The following RALYL variants were observed in gnomAD, a reference collection of about 807,000 sequenced individuals.
RALYL encodes the protein RALY RNA binding protein like.
RALYL carries 29 observed loss-of-function variants against 35.1 expected under a neutral mutation model. The observed-to-expected ratio is 0.83, with a 90% CI of 0.61 to 1.13. The LOEUF is 1.13. Among genes scored for constraint, RALYL ranks in the 50% most tolerant of loss-of-function variants. RALYL has a pLI of 0.00. For missense variants in RALYL, 359 were observed against 360.4 expected (o/e 1.00, Z 0.03); for synonymous variants, 120 against 127.6 (o/e 0.94, Z 0.40).
intron 1 of RALYL, among the ~76,000 whole-genome samples, chr8:84,248,880 G>T (rs1043609833): frequency 3.3e-5 from 5 of 152,060 alleles, no homozygotes; most frequent in Non-Finnish European, 7.4e-5. Flanking sequence ...AGTCTTCAGA[G>T]ACTTGATGTT....
intron 4 of RALYL, among the ~76,000 whole-genome samples, chr8:84,824,455 C>A (rs765192666): frequency 2.0e-5 from 3 of 151,822 alleles, no homozygotes; most frequent in Non-Finnish European, 2.9e-5. Flanking sequence ...ACCTATAGAT[C>A]CAGCACTATT....
chr8:84,693,326 G>T (rs771833696), intron 2 of RALYL, among the ~76,000 whole-genome samples: 3 of 151,586 alleles, frequency 2.0e-5, no homozygotes, highest in Non-Finnish European at 4.4e-5. Context: ...ATGCAGAAGG[G>T]GAAGCAAACA....
chr8:84,555,802 G>T (rs2135505801), intron 2 of RALYL, among the ~76,000 whole-genome samples: 1 of 152,048 alleles, frequency 6.6e-6, no homozygotes, highest in East Asian at 1.9e-4. Flanking sequence ...TCTAAATTTA[G>T]ATATCCCATC....
At chr8:84,754,420 G>T (rs1304125102) in intron 2 of RALYL, among the ~76,000 whole-genome samples, 2 of 152,062 alleles carry the variant, frequency 1.3e-5, no homozygotes, top group Admixed American at 1.3e-4. Flanking sequence ...ATTCATACTG[G>T]TGATTCTTGT....
At chr8:84,539,828 GTATACATATATATATATATA>G (rs1304767826) in intron 2 of RALYL, among the ~76,000 whole-genome samples, 9 of 4,752 alleles carry the variant, frequency 1.9e-3, no homozygotes, top group Non-Finnish European at 3.7e-3. Context: ...AAGTGATCAA[GTATACATATATATATATATA>G]TATATGTATA....
chr8:84,734,413 T>A (rs1390340615), intron 2 of RALYL, among the ~76,000 whole-genome samples: 1 of 152,182 alleles, frequency 6.6e-6, no homozygotes, highest in Non-Finnish European at 1.5e-5. Context: ...ATTTTTAAGG[T>A]ACAACTTTAT....
intron 1 of RALYL, among the ~76,000 whole-genome samples, chr8:84,429,837 T>C (rs1220846863): frequency 2.6e-5 from 4 of 152,084 alleles, no homozygotes; most frequent in African/African-American, 9.7e-5. Context: ...ATGTCCACTA[T>C]CTGCTTTTTC....
intron 1 of RALYL, among the ~76,000 whole-genome samples, chr8:84,387,890 A>T (rs1283571632): frequency 3.3e-5 from 5 of 151,596 alleles, no homozygotes; most frequent in South Asian, 2.1e-4. Flanking sequence ...CATGTGCACA[A>T]TGTGCAGGTT....
intron 1 of RALYL, among the ~76,000 whole-genome samples, chr8:84,200,502 C>A (rs1400623959): frequency 2.0e-5 from 3 of 152,016 alleles, no homozygotes; most frequent in Non-Finnish European, 1.5e-5. Flanking sequence ...ATTTTAAAAT[C>A]ATTTCCTTCA....
intron 1 of RALYL, among the ~76,000 whole-genome samples, chr8:84,230,602 T>C (rs1825108165): frequency 6.6e-6 from 1 of 152,200 alleles, no homozygotes; most frequent in Non-Finnish European, 1.5e-5. Flanking sequence ...TTACAAATCC[T>C]GAAGAAATGG....
At chr8:84,480,869 A>G (rs2133879307) in intron 1 of RALYL, among the ~76,000 whole-genome samples, 1 of 152,292 alleles carries the variant, frequency 6.6e-6, no homozygotes, top group East Asian at 1.9e-4. Context: ...CAACTGATGG[A>G]TGACCTTATA....
chr8:84,443,035 A>G (rs935631876), intron 1 of RALYL, among the ~76,000 whole-genome samples: 1 of 152,134 alleles, frequency 6.6e-6, no homozygotes, highest in Middle Eastern at 3.2e-3. Flanking sequence ...AATGTTTGCA[A>G]AGCTAAGAAG....
rs556325042 is a variant in RALYL at position 84,218,503 on chromosome 8, C to A, written c.-24+34079C>A. Among the ~76,000 whole-genome samples the A allele has an allele frequency of 7.7e-4, 117 of 152,122 alleles. 1 individual carries two copies. In the South Asian group the frequency reaches 0.023, roughly 30 times the overall value. ...TGTGATAAATATGTCCTTAAAATTA[C>A]ATGAAATAGGGTAATTTTTTTCACA... On this transcript the variant is annotated intron_variant, in intron 1 of 8. Coordinates refer to ENST00000521268, the MANE Select transcript of RALYL (RefSeq NM_173848.7).
At chr8:84,258,120 T>A (rs1291249910) in intron 1 of RALYL, among the ~76,000 whole-genome samples, 3 of 152,126 alleles carry the variant, frequency 2.0e-5, no homozygotes, top group African/African-American at 7.2e-5. Flanking sequence ...AGTAGCCACA[T>A]GTACGTAGTG....
chr8:84,569,023 T>C (rs1403564321), intron 2 of RALYL, among the ~76,000 whole-genome samples: 1 of 149,532 alleles, frequency 6.7e-6, no homozygotes, highest in African/African-American at 2.5e-5. Flanking sequence ...TGGTAGTTTC[T>C]TTTGCTGTGC....
chr8:84,796,983 C>T (rs994461866), intron 3 of RALYL, among the ~76,000 whole-genome samples: 2 of 152,126 alleles, frequency 1.3e-5, no homozygotes, highest in Non-Finnish European at 2.9e-5. Context: ...ATTCAGACTC[C>T]GTCACTTTGC....
intron 1 of RALYL, among the ~76,000 whole-genome samples, chr8:84,329,908 A>C (rs1370694222): frequency 1.3e-5 from 2 of 152,118 alleles, no homozygotes; most frequent in African/African-American, 4.8e-5. Flanking sequence ...GTTTTATTAA[A>C]AATCATATTG....
At chr8:84,877,848 T>C (rs988410950) in intron 7 of RALYL, among the ~76,000 whole-genome samples, 4 of 152,180 alleles carry the variant, frequency 2.6e-5, no homozygotes, top group African/African-American at 7.2e-5. Context: ...TGACTACCAT[T>C]TCTGTTCTGA....
At chr8:84,330,697 G>T (rs1425193364) in intron 1 of RALYL, among the ~76,000 whole-genome samples, 1 of 151,948 alleles carries the variant, frequency 6.6e-6, no homozygotes, top group Non-Finnish European at 1.5e-5. Flanking sequence ...TTGAAATTTG[G>T]CATTTCACAA....
Sources: allele counts gnomAD v4.1 joint callset (sites outside exome capture counted in the v4.1 genomes callset), GRCh38; gene constraint gnomAD v4.1.1; transcripts MANE v1.5; gene names NCBI Gene and HGNC (gene_info 2026-07-23, HGNC 2026-07-21).